ASPH: variants seen among roughly 807,000 people sequenced by gnomAD.
ASPH encodes aspartyl/asparaginyl beta-hydroxylase.
ASPH carries 100 observed loss-of-function variants against 118.4 expected under a neutral mutation model. The ratio of observed to expected loss-of-function variants is 0.84; its 90% CI spans 0.72 to 1.00. ASPH has a LOEUF of 1.00. ASPH is among the 50% of genes least tolerant of loss of function. The pLI is 0.00. For synonymous variants in ASPH, 315 were observed against 325.6 expected (o/e 0.97, Z 0.35); for missense variants, 920 against 919.5 (o/e 1.00, Z -0.01).
chr8:61,618,662 G>T (rs1210825380), intron 14 of ASPH, among the ~76,000 whole-genome samples: 1 of 152,178 alleles, frequency 6.6e-6, no homozygotes, highest in Non-Finnish European at 1.5e-5. Flanking sequence ...ACAGCCTTCA[G>T]AAGTTGGTAC....
intron 16 of ASPH, among the ~76,000 whole-genome samples, chr8:61,575,405 G>A (rs1174744989): frequency 1.3e-5 from 2 of 152,052 alleles, no homozygotes; most frequent in African/African-American, 2.4e-5. Flanking sequence ...CATGTCTGTT[G>A]GCTGTTCTCT....
intron 14 of ASPH, among the ~76,000 whole-genome samples, chr8:61,613,631 T>C (rs752469612): frequency 6.6e-6 from 1 of 152,128 alleles, no homozygotes; most frequent in Non-Finnish European, 1.5e-5. Context: ...GGGTAGGAGA[T>C]GGGAGTGCAG....
chr8:61,661,609 C>A (rs376076045), intron 3 of ASPH: 24 of 203,734 alleles, frequency 1.2e-4, no homozygotes, highest in African/African-American at 5.2e-4. Flanking sequence ...AGATCCATTT[C>A]ATGGACAGTA....
intron 21 of ASPH, among the ~76,000 whole-genome samples, chr8:61,529,049 C>T (rs17201182): frequency 0.089 from 13,523 of 152,010 alleles, 682 homozygotes; most frequent in Non-Finnish European, 0.12. Flanking sequence ...AGGAACCATA[C>T]TGTTAATCTA....
At chr8:61,615,352 C>T (rs1588122026) in intron 14 of ASPH, among the ~76,000 whole-genome samples, 1 of 152,070 alleles carries the variant, frequency 6.6e-6, no homozygotes, top group East Asian at 1.9e-4. Context: ...ACAGCAACAC[C>T]TCCTGCTCAT....
At chr8:61,523,214 C>A (rs963916120) in intron 22 of ASPH, among the ~76,000 whole-genome samples, 1 of 152,092 alleles carries the variant, frequency 6.6e-6, no homozygotes, top group African/African-American at 2.4e-5. Flanking sequence ...CTCCAGAATT[C>A]TTCTCCTCTA....
chr8:61,698,637 A>G (rs1055189747), intron 1 of ASPH, among the ~76,000 whole-genome samples: 1 of 152,154 alleles, frequency 6.6e-6, no homozygotes, highest in Non-Finnish European at 1.5e-5. Context: ...TGGGGCTGAA[A>G]GTTCCAATCT....
intron 17 of ASPH, among the ~76,000 whole-genome samples, chr8:61,563,692 A>G (rs1187555228): frequency 6.6e-6 from 1 of 152,190 alleles, no homozygotes; most frequent in East Asian, 1.9e-4. Context: ...ATTACCAGCC[A>G]ATCATATTCC....
intron 3 of ASPH, chr8:61,659,968 CCTAG>C (rs1247183432): frequency 6.6e-6 from 1 of 151,742 alleles, no homozygotes; most frequent in Non-Finnish European, 1.5e-5. Context: ...CTCTCTTCTC[CCTAG>C]CTTTTTTTTT....
At chr8:61,602,978 G>A (rs1185886679) in intron 14 of ASPH, among the ~76,000 whole-genome samples, 3 of 151,754 alleles carry the variant, frequency 2.0e-5, no homozygotes, top group Admixed American at 2.0e-4. Context: ...AGATCACTTG[G>A]GGTCAGGAGT....
chr8:61,593,205 C>T (rs1048219810), intron 14 of ASPH, among the ~76,000 whole-genome samples: 2 of 151,644 alleles, frequency 1.3e-5, no homozygotes, highest in Admixed American at 6.5e-5. Context: ...CTGGCAGGAG[C>T]CTTTGTTTGT....
At chr8:61,669,389 G>A (rs1821283555) in intron 3 of ASPH, among the ~76,000 whole-genome samples, 1 of 152,196 alleles carries the variant, frequency 6.6e-6, no homozygotes. Flanking sequence ...TCTTACCACT[G>A]ACAACATAAA....
At chr8:61,579,784 C>G (rs1208316083) in intron 15 of ASPH, 2 of 760,388 alleles carry the variant, frequency 2.6e-6, no homozygotes, top group African/African-American at 3.4e-5. Flanking sequence ...AGGCTCAGCC[C>G]TAGCCCTCAG....
In ASPH at chr8:61,648,240, T is replaced by C. The variant is rs139039996; in HGVS notation, c.491-1362A>G. Among the ~76,000 whole-genome samples, 136 of 152,294 alleles carry C rather than the reference T, an allele frequency of 8.9e-4. 1 individual carries two copies. Among genetic ancestry groups the C allele is most frequent in the African/African-American group, 3.0e-3 (123 of 41,560 alleles). ...GTCATTATCACCATTATTACAGTAA[T>C]AACAACATTGTCATTTGTACTGCTA... On this transcript the variant is annotated intron_variant, in intron 5 of 24. Transcript: ENST00000379454.
At chr8:61,632,448 CTT>C (rs1856008648) in intron 13 of ASPH, among the ~76,000 whole-genome samples, 1 of 152,134 alleles carries the variant, frequency 6.6e-6, no homozygotes, top group Non-Finnish European at 1.5e-5. Context: ...GGTCCTGCCT[CTT>C]TGATACAAAC....
chr8:61,714,266 G>T lies in ASPH; in HGVS notation c.103+3C>A. 1 of 1,511,116 alleles carries T rather than the reference G, an allele frequency of 6.6e-7. No homozygotes were observed. The highest frequency in any genetic ancestry group is 1.2e-5 in the South Asian group (1 of 81,054). 93.6% of individuals were successfully genotyped at this position (1,511,116 alleles called of 1,614,324 possible). On this transcript the variant is annotated splice_donor_region_variant and intron_variant, in intron 1 of 24. Coordinates refer to ENST00000379454, the MANE Select transcript of ASPH (RefSeq NM_004318.4). ...CAGATCCCCGCCCCGCAGGGCCTCT[G>T]ACCTCTCCGGGCCCCGGGGCTGCTG...
At chr8:61,686,541 G>T (rs1473004408) in intron 1 of ASPH, among the ~76,000 whole-genome samples, 2 of 152,136 alleles carry the variant, frequency 1.3e-5, no homozygotes, top group Non-Finnish European at 2.9e-5. Context: ...TTTATAAACA[G>T]AAAGACTTAT....
chr8:61,698,968 C>A (rs1459167912), intron 1 of ASPH, among the ~76,000 whole-genome samples: 4 of 152,212 alleles, frequency 2.6e-5, no homozygotes, highest in Non-Finnish European at 5.9e-5. Flanking sequence ...TTGGTTACTT[C>A]AGTGGGGTCT....
At chr8:61,579,350 G>C (rs1836595852) in intron 15 of ASPH, 2 of 1,614,054 alleles carry the variant, frequency 1.2e-6, no homozygotes. Flanking sequence ...ACCAGGAGCT[G>C]ATGAACGTCA....
Sources: allele counts gnomAD v4.1 joint callset (sites outside exome capture counted in the v4.1 genomes callset), GRCh38; gene constraint gnomAD v4.1.1; transcripts MANE v1.5; gene names NCBI Gene and HGNC (gene_info 2026-07-23, HGNC 2026-07-21).